The following PDE7B variants were observed in gnomAD, a reference collection of about 807,000 sequenced individuals.
PDE7B encodes the protein phosphodiesterase 7B, also known as 3',5'-cyclic-AMP phosphodiesterase 7B.
Under a neutral mutation model 56.2 loss-of-function variants are expected in PDE7B, and 29 were observed. The observed-to-expected ratio is 0.52, with a 90% CI of 0.38 to 0.70. The LOEUF (loss-of-function observed/expected upper bound fraction) is 0.70. Ranked by LOEUF, PDE7B falls within the 30% of genes least tolerant of loss-of-function variation. The pLI, the probability that PDE7B is intolerant of heterozygous loss-of-function variation, is 0.00. For synonymous variants in PDE7B, 197 were observed against 196.9 expected, an observed-to-expected ratio of 1.00 and a Z score of 0.00; for missense variants, 490 against 565.0, an observed-to-expected ratio of 0.87 and a Z score of 1.35.
chr6:135,879,751 G>A (rs1183683265), intron 1 of PDE7B, among the ~76,000 whole-genome samples: 2 of 152,076 alleles, frequency 1.3e-5, no homozygotes, highest in Non-Finnish European at 2.9e-5. Flanking sequence ...AAAACAATGT[G>A]GGATAGATCT....
At chr6:136,119,994 G>T (rs2128443236) in intron 3 of PDE7B, among the ~76,000 whole-genome samples, 1 of 152,240 alleles carries the variant, frequency 6.6e-6, no homozygotes, top group Non-Finnish European at 1.5e-5. Context: ...CTGACCCCTG[G>T]TCCTCTGATT....
chr6:136,003,515 G>A (rs1775713568), intron 2 of PDE7B, among the ~76,000 whole-genome samples: 1 of 151,910 alleles, frequency 6.6e-6, no homozygotes, highest in African/African-American at 2.4e-5. Context: ...AATGATAAAG[G>A]GGATATCACC....
chr6:136,001,552 T>C (rs1775668260), intron 2 of PDE7B, among the ~76,000 whole-genome samples: 1 of 152,026 alleles, frequency 6.6e-6, no homozygotes, highest in Admixed American at 6.5e-5. Flanking sequence ...ACGTGAAGAA[T>C]GCAGAAGCCT....
rs908380433 is a variant in PDE7B, at chr6:136,195,443, CAT to C, written c.*3604_*3605del. ...TTTAAACTGTGTCATTTTGTATACA[CAT>C]GTGAGGTTTGAAAAAAAAAAAAAAA... On this transcript the variant is annotated 3_prime_UTR_variant, in exon 13 of 13. Coordinates refer to ENST00000308191, the MANE Select transcript of PDE7B (RefSeq NM_018945.4). 1 of 97,134 alleles carries C rather than the reference CAT, an allele frequency of 1.0e-5. No homozygotes were observed. The highest frequency in any genetic ancestry group is 4.4e-5 in the African/African-American group (1 of 22,756). 6.0% of individuals were successfully genotyped at this position (97,134 alleles called of 1,614,324 possible).
At chr6:135,956,054 G>C (rs1332930821) in intron 2 of PDE7B, among the ~76,000 whole-genome samples, 5 of 152,164 alleles carry the variant, frequency 3.3e-5, no homozygotes, top group Non-Finnish European at 7.3e-5. Context: ...GGAGTGAGAT[G>C]AGGTTGTGCT....
intron 1 of PDE7B, among the ~76,000 whole-genome samples, chr6:135,906,829 T>TTGTTTTTTTTTTTTTTTG (rs1776122936): frequency 7.0e-6 from 1 of 142,604 alleles, no homozygotes; most frequent in African/African-American, 2.8e-5. Context: ...TTTTTTTTTT[T>TTGTTTTTTTTTTTTTTTG]TTTTTTTAAT....
At chr6:136,004,758 C>T (rs1318108492) in intron 2 of PDE7B, among the ~76,000 whole-genome samples, 8 of 152,122 alleles carry the variant, frequency 5.3e-5, no homozygotes, top group South Asian at 2.1e-4. Context: ...GAATCAATAT[C>T]GTGAAAATGG....
intron 1 of PDE7B, among the ~76,000 whole-genome samples, chr6:135,878,103 G>T (rs1422480388): frequency 6.6e-6 from 1 of 152,060 alleles, no homozygotes; most frequent in Admixed American, 6.5e-5. Flanking sequence ...AGGCCCAAGG[G>T]GTATGGACAG....
intron 9 of PDE7B, among the ~76,000 whole-genome samples, chr6:136,178,336 T>G (rs1779012040): frequency 6.6e-6 from 1 of 152,258 alleles, no homozygotes; most frequent in African/African-American, 2.4e-5. Context: ...AGGTAAATTT[T>G]ACAAATATTT....
chr6:136,141,728 T>C (rs1308547015), intron 3 of PDE7B, among the ~76,000 whole-genome samples: 1 of 152,244 alleles, frequency 6.6e-6, no homozygotes, highest in African/African-American at 2.4e-5. Context: ...TATCCATTTC[T>C]TCTAGATTTT....
rs1583909243 is a variant in PDE7B at position 136,149,166 on chromosome 6, G to T, written c.382+16G>T. The T allele has an allele frequency of 1.9e-6, 3 of 1,550,778 alleles. No individual in the cohort carries two copies. Among genetic ancestry groups the T allele is most frequent in the Non-Finnish European group, 8.9e-7 (1 of 1,122,356 alleles). ...TTGACAAATGGTAAGTTACCCAAAA[G>T]AATTCTCACTAAAATATACACCATA... On this transcript the variant is annotated intron_variant, in intron 5 of 12. Transcript: ENST00000308191.
chr6:136,150,102 G>A (rs537515808), intron 5 of PDE7B, among the ~76,000 whole-genome samples: 1 of 152,222 alleles, frequency 6.6e-6, no homozygotes, highest in African/African-American at 2.4e-5. Context: ...CATATGAAAT[G>A]ACCACATGAC....
At chr6:136,119,859 CTT>C (rs766823582) in intron 3 of PDE7B, among the ~76,000 whole-genome samples, 5 of 152,162 alleles carry the variant, frequency 3.3e-5, no homozygotes, top group Non-Finnish European at 7.3e-5. Flanking sequence ...TATAAAATAA[CTT>C]TTACCACTTG....
chr6:136,177,434 A>G (rs1352246527), intron 9 of PDE7B, among the ~76,000 whole-genome samples: 2 of 152,244 alleles, frequency 1.3e-5, no homozygotes, highest in Non-Finnish European at 2.9e-5. Context: ...TATTTAAAAT[A>G]TGCAAAGAAC....
intron 2 of PDE7B, chr6:136,049,152 G>T (rs1255427018): frequency 6.6e-6 from 1 of 152,568 alleles, no homozygotes; most frequent in Non-Finnish European, 1.5e-5. Context: ...ACCCAGGCTG[G>T]AGTGCAGTGG....
At chr6:135,906,142 A>C (rs778507798) in intron 1 of PDE7B, among the ~76,000 whole-genome samples, 1 of 152,166 alleles carries the variant, frequency 6.6e-6, no homozygotes, top group Non-Finnish European at 1.5e-5. Context: ...GAGCAGGCCT[A>C]TGGTGGAGAC....
chr6:136,161,782 G>A (rs189475695), intron 8 of PDE7B, among the ~76,000 whole-genome samples: 41 of 152,168 alleles, frequency 2.7e-4, no homozygotes, highest in Middle Eastern at 3.4e-3. Context: ...GGGGTTTGGG[G>A]TATCAATTAC....
At chr6:135,893,768 T>C (rs554012624) in intron 1 of PDE7B, among the ~76,000 whole-genome samples, 1 of 152,206 alleles carries the variant, frequency 6.6e-6, no homozygotes, top group Non-Finnish European at 1.5e-5. Flanking sequence ...AATTGTAGAC[T>C]CTCTGAATTG....
At chr6:135,944,279 T>C (rs1482487579) in intron 1 of PDE7B, among the ~76,000 whole-genome samples, 2 of 152,108 alleles carry the variant, frequency 1.3e-5, no homozygotes, top group Non-Finnish European at 2.9e-5. Context: ...ACGTAGACCC[T>C]GTGGCTTAGC....
Sources: allele counts gnomAD v4.1 joint callset (sites outside exome capture counted in the v4.1 genomes callset), GRCh38; gene constraint gnomAD v4.1.1; transcripts MANE v1.5; gene names NCBI Gene and HGNC (gene_info 2026-07-23, HGNC 2026-07-21).